The following ZDHHC20 variants were observed in gnomAD, a reference collection of about 807,000 sequenced individuals.
ZDHHC20 encodes palmitoyltransferase ZDHHC20.
Under a neutral mutation model 57.8 loss-of-function variants are expected in ZDHHC20, and 43 were observed. The observed-to-expected ratio is 0.74, with a 90% CI of 0.58 to 0.96. The LOEUF (loss-of-function observed/expected upper bound fraction) is 0.96, where lower values mean the gene tolerates loss of function less well. Ranked by LOEUF, ZDHHC20 falls within the 40% of genes least tolerant of loss-of-function variation. The pLI is 0.00. For missense variants in ZDHHC20, 391 were observed against 441.1 expected (o/e 0.89, Z 1.02); for synonymous variants, 157 against 153.0 (o/e 1.03, Z -0.19).
At chr13:21,388,452 G>C (rs1332849765) in intron 8 of ZDHHC20, among the ~76,000 whole-genome samples, 1 of 152,166 alleles carries the variant, frequency 6.6e-6, no homozygotes, top group East Asian at 1.9e-4. Context: ...TACCAGAAAA[G>C]ACATCTTTCT....
At chr13:21,404,457 A>T (rs993759984) in intron 4 of ZDHHC20, 11 of 438,846 alleles carry the variant, frequency 2.5e-5, no homozygotes, top group Non-Finnish European at 5.1e-5. Context: ...ATGGAAAAAA[A>T]GGAATTCAGG....
intron 7 of ZDHHC20, among the ~76,000 whole-genome samples, chr13:21,396,397 C>T (rs995607059): frequency 1.3e-5 from 2 of 151,614 alleles, no homozygotes; most frequent in Non-Finnish European, 2.9e-5. Flanking sequence ...AACAAAAGTG[C>T]CAGAGGAAAA....
chr13:21,403,954 C>T (rs1329517907), intron 4 of ZDHHC20, among the ~76,000 whole-genome samples: 1 of 152,144 alleles, frequency 6.6e-6, no homozygotes, highest in East Asian at 1.9e-4. Context: ...TCCCAAAGTG[C>T]TGGGATTACA....
At chr13:21,437,047 A>AGCATTGGCTTCAACT (rs1882625387) in intron 1 of ZDHHC20, among the ~76,000 whole-genome samples, 1 of 152,250 alleles carries the variant, frequency 6.6e-6, no homozygotes, top group Admixed American at 6.5e-5. Context: ...AATGAGGCTG[A>AGCATTGGCTTCAACT]TACAAAAAAA....
chr13:21,438,274 T>C (rs1566108131), intron 1 of ZDHHC20, among the ~76,000 whole-genome samples: 1 of 152,216 alleles, frequency 6.6e-6, no homozygotes, highest in African/African-American at 2.4e-5. Flanking sequence ...GCAAACTACA[T>C]TGATCACCTT....
Position 21,373,131 on chromosome 13 carries a change from T to C in ZDHHC20, c.*3565A>G, listed in dbSNP as rs1262587701. ...TTATTTTGGCTGAAATGCAAAAATA[T>C]GACTTTCTTAATAACAGATTAGTTA... is the stretch of plus-strand genomic sequence containing the variant. On this transcript the variant is annotated 3_prime_UTR_variant, in exon 13 of 13. Coordinates refer to ENST00000400590, the MANE Select transcript of ZDHHC20 (RefSeq NM_001330059.2). 3.9e-5 allele frequency: 6 copies of C among 152,224 alleles called. No individual in the cohort carries two copies. Among genetic ancestry groups the C allele is most frequent in the Admixed American group, 1.3e-4 (2 of 15,284 alleles). The allele number at this position is 152,224 out of a possible 1,614,324, so 9.4% of individuals were successfully genotyped here. A position where few individuals can be genotyped will look rare whatever the true frequency, so the allele number is the denominator to read the frequency against.
chr13:21,391,679 G>C, intron 8 of ZDHHC20, 43 bp downstream of exon 8: 1 of 1,542,942 alleles, frequency 6.5e-7, no homozygotes. Context: ...ATTTATTTAT[G>C]GTCATTGTCC....
At chr13:21,387,844 A>G (rs1293515118) in intron 8 of ZDHHC20, among the ~76,000 whole-genome samples, 2 of 152,210 alleles carry the variant, frequency 1.3e-5, no homozygotes, top group East Asian at 3.8e-4. Context: ...AACCTTATAA[A>G]GTAACATGTC....
intron 1 of ZDHHC20, among the ~76,000 whole-genome samples, chr13:21,434,441 T>C (rs1032180412): frequency 7.2e-5 from 11 of 152,218 alleles, no homozygotes; most frequent in African/African-American, 2.7e-4. Flanking sequence ...TTAAAGCATA[T>C]AGTATCCATT....
At chr13:21,443,057 TAC>T (rs79898818) in intron 1 of ZDHHC20, among the ~76,000 whole-genome samples, 126 of 152,246 alleles carry the variant, frequency 8.3e-4, no homozygotes, top group Non-Finnish European at 1.1e-3. Flanking sequence ...TTCAATGAAG[TAC>T]AGTTTATTTG....
rs1454928916 is a variant in ZDHHC20 at position 21,372,835 on chromosome 13, T to C, written c.*3861A>G. The C allele has an allele frequency of 6.6e-6, 1 of 152,222 alleles. No individual in the cohort carries two copies. Among genetic ancestry groups the C allele is most frequent in the African/African-American group, 2.4e-5 (1 of 41,472 alleles). 9.4% of individuals were successfully genotyped at this position (152,222 alleles called of 1,614,324 possible). On this transcript the variant is annotated 3_prime_UTR_variant, in exon 13 of 13. Coordinates refer to ENST00000400590, the MANE Select transcript of ZDHHC20 (RefSeq NM_001330059.2). ...TATTAAAGCTCACTTTAAAATAGTG[T>C]CCATCTTTTCTTTTAAACGGGCATA...
intron 1 of ZDHHC20, among the ~76,000 whole-genome samples, chr13:21,457,713 C>G (rs1270578387): frequency 6.6e-6 from 1 of 152,222 alleles, no homozygotes; most frequent in East Asian, 1.9e-4. Context: ...CCAAAGCATT[C>G]TCTTCCATGT....
rs779829169 is a variant in ZDHHC20, at chr13:21,400,516, A to G, written c.474-23T>C. 7.2e-6 allele frequency: 11 copies of G among 1,529,032 alleles called. 1 individual carries two copies. Among genetic ancestry groups the G allele is most frequent in the South Asian group, 6.4e-5 (5 of 78,066 alleles). 94.7% of individuals were successfully genotyped at this position (1,529,032 alleles called of 1,614,324 possible). On this transcript the variant is annotated intron_variant, in intron 6 of 12. Transcript: ENST00000400590. ...ACCCTGGAAAAATAAAGAAAGCCAC[A>G]TTATAAAAGTAAGACAAATCACAAA...
chr13:21,387,776 T>C (rs983219181), intron 8 of ZDHHC20, 142 bp from the exon 9 acceptor site: 2 of 435,286 alleles, frequency 4.6e-6, no homozygotes, highest in Non-Finnish European at 7.6e-6. Flanking sequence ...TAGTAGCAAT[T>C]AAAAGATAAA....
At chr13:21,457,925 A>T (rs536216560) in intron 1 of ZDHHC20, among the ~76,000 whole-genome samples, 1 of 152,232 alleles carries the variant, frequency 6.6e-6, no homozygotes. Context: ...AAGGACTAAG[A>T]GTAGAACATT....
chr13:21,381,805 G>T, intron 10 of ZDHHC20: 1 of 564,016 alleles, frequency 1.8e-6, no homozygotes, highest in Non-Finnish European at 3.3e-6. Flanking sequence ...AAGCTTCAGA[G>T]GCCAGTCTGA....
At chr13:21,434,125 C>A (rs779218315) in intron 1 of ZDHHC20, among the ~76,000 whole-genome samples, 3 of 151,530 alleles carry the variant, frequency 2.0e-5, no homozygotes, top group Non-Finnish European at 4.4e-5. Context: ...TGTGTGTGTG[C>A]GTGCACACCA....
At chr13:21,439,357 A>C (rs932431319) in intron 1 of ZDHHC20, among the ~76,000 whole-genome samples, 1 of 152,174 alleles carries the variant, frequency 6.6e-6, no homozygotes, top group East Asian at 1.9e-4. Flanking sequence ...AATATTAGCC[A>C]GGCATGGTGG....
chr13:21,455,017 T>C (rs1162986031), intron 1 of ZDHHC20, among the ~76,000 whole-genome samples: 1 of 152,110 alleles, frequency 6.6e-6, no homozygotes, highest in East Asian at 1.9e-4. Flanking sequence ...GCCTCCCAGG[T>C]TCATGCCATT....
Sources: gnomAD v4.1 joint callset for allele counts (sites outside exome capture counted in the v4.1 genomes callset) on GRCh38, gnomAD v4.1.1 for gene constraint, MANE v1.5 for transcripts, NCBI Gene and HGNC (gene_info 2026-07-23, HGNC 2026-07-21) for gene names.